Variants in MYO1B observed in about 807,000 individuals in gnomAD.
MYO1B encodes the protein myosin IB, also known as unconventional myosin-Ib.
MYO1B carries 72 observed loss-of-function variants against 159.7 expected under a neutral mutation model. That is an observed-to-expected ratio of 0.45 (90% CI 0.37 to 0.55). MYO1B has a LOEUF of 0.55. Ranked by LOEUF, MYO1B falls within the 20% of genes least tolerant of loss-of-function variation. The pLI is 0.00. For missense variants in MYO1B, 1,062 were observed against 1,364.8 expected (o/e 0.78, Z 3.50); for synonymous variants, 468 against 473.8 (o/e 0.99, Z 0.16).
chr2:191,404,487 C>T (rs1005703395), intron 24 of MYO1B, among the ~76,000 whole-genome samples: 11 of 152,190 alleles, frequency 7.2e-5, no homozygotes, highest in Non-Finnish European at 1.3e-4. Context: ...CATTTTTCTT[C>T]TCCTTGTCCC....
At chr2:191,358,731 C>T (rs1559198284) in intron 7 of MYO1B, among the ~76,000 whole-genome samples, 1 of 152,210 alleles carries the variant, frequency 6.6e-6, no homozygotes, top group Non-Finnish European at 1.5e-5. Context: ...TAAGGTGCCA[C>T]TGTAAGGTGA....
rs72912455 is a variant in MYO1B, at chr2:191,267,133, G to A, written c.-9-9754G>A. Among the ~76,000 whole-genome samples, 768 of 152,256 alleles carry A rather than the reference G, an allele frequency of 5.0e-3. 5 individuals carry two copies. Among genetic ancestry groups the A allele is most frequent in the Non-Finnish European group, 7.8e-3 (531 of 68,014 alleles). ...ACAAAACCTAGGGTGTTAACCCTTA[G>A]ATAACCAGAATGTTGAATTAATAGC... On this transcript the variant is annotated intron_variant, in intron 1 of 30. Coordinates refer to ENST00000392318, the MANE Select transcript of MYO1B (RefSeq NM_001130158.3).
intron 25 of MYO1B, among the ~76,000 whole-genome samples, chr2:191,408,843 C>G (rs964507094): frequency 6.6e-6 from 1 of 152,198 alleles, no homozygotes. Flanking sequence ...CTTCTTTTCT[C>G]TTAACCATTT....
intron 1 of MYO1B, among the ~76,000 whole-genome samples, chr2:191,262,371 T>C (rs566986697): frequency 5.8e-4 from 88 of 152,282 alleles, no homozygotes; most frequent in African/African-American, 1.9e-3. Context: ...TCCCTGCATT[T>C]AGTCGCTTTG....
At chr2:191,403,591 G>C (rs1225188049) in intron 24 of MYO1B, among the ~76,000 whole-genome samples, 1 of 152,036 alleles carries the variant, frequency 6.6e-6, no homozygotes, top group African/African-American at 2.4e-5. Context: ...TATTATCTGA[G>C]TAATCATTGA....
At chr2:191,326,024 G>A (rs1279399582) in intron 3 of MYO1B, among the ~76,000 whole-genome samples, 1 of 152,124 alleles carries the variant, frequency 6.6e-6, no homozygotes, top group East Asian at 1.9e-4. Flanking sequence ...CTCAACTAGA[G>A]GACAGAAGAA....
chr2:191,378,559 T>C (rs1168965415), intron 13 of MYO1B, among the ~76,000 whole-genome samples: 1 of 152,226 alleles, frequency 6.6e-6, no homozygotes, highest in African/African-American at 2.4e-5. Context: ...CAGTTAAGGC[T>C]ATTTTCACTT....
chr2:191,325,155 T>G (rs1314905236), intron 3 of MYO1B, among the ~76,000 whole-genome samples: 1 of 152,052 alleles, frequency 6.6e-6, no homozygotes, highest in East Asian at 1.9e-4. Context: ...AAAAAACACT[T>G]TTTTGGGGGT....
chr2:191,383,120 G>A lies in MYO1B; in HGVS notation c.1291-160G>A, dbSNP rs563679720. On this transcript the variant is annotated intron_variant, in intron 14 of 30. Coordinates refer to ENST00000392318, the MANE Select transcript of MYO1B (RefSeq NM_001130158.3). ...AGTGGTAGGCAGCTGCATTGAGAAA[G>A]TTTTGGGAACTGCCTGTGACATTTG... Among the ~76,000 whole-genome samples the A allele has an allele frequency of 3.5e-4, 53 of 152,168 alleles. 1 individual carries two copies. In the South Asian group the frequency reaches 0.01, roughly 29 times the overall value.
chr2:191,330,444 AT>A (rs1288017796), intron 4 of MYO1B, among the ~76,000 whole-genome samples: 1 of 152,158 alleles, frequency 6.6e-6, no homozygotes, highest in Non-Finnish European at 1.5e-5. Flanking sequence ...AAATGCTAAC[AT>A]TTTACTCAAG....
chr2:191,283,635 G>A (rs1372601258), intron 2 of MYO1B, among the ~76,000 whole-genome samples: 1 of 152,152 alleles, frequency 6.6e-6, no homozygotes, highest in Non-Finnish European at 1.5e-5. Context: ...AGAAACCGAG[G>A]CTCATAAAGG....
At chr2:191,414,368 T>C in intron 28 of MYO1B, 149 bp from the exon 29 acceptor site, 1 of 1,022,480 alleles carries the variant, frequency 9.8e-7, no homozygotes, top group Non-Finnish European at 1.4e-6. Context: ...AAATAAAACA[T>C]ATTATTTATG....
chr2:191,303,960 A>C (rs1337085431), intron 3 of MYO1B, among the ~76,000 whole-genome samples: 1 of 152,210 alleles, frequency 6.6e-6, no homozygotes, highest in East Asian at 1.9e-4. Flanking sequence ...CCTTTTATGC[A>C]TGACTGTCAT....
intron 8 of MYO1B, among the ~76,000 whole-genome samples, chr2:191,361,020 A>C (rs1305774569): frequency 2.0e-5 from 3 of 152,100 alleles, no homozygotes; most frequent in African/African-American, 7.2e-5. Context: ...ATTCTAGTTG[A>C]AGTGAAGAAC....
intron 1 of MYO1B, among the ~76,000 whole-genome samples, chr2:191,272,572 A>G (rs1026433481): frequency 2.0e-5 from 3 of 152,172 alleles, no homozygotes; most frequent in Non-Finnish European, 4.4e-5. Flanking sequence ...TTACATCTCT[A>G]TGTCTCCCAC....
chr2:191,354,994 G>A (rs944200412), intron 7 of MYO1B, among the ~76,000 whole-genome samples: 2 of 152,196 alleles, frequency 1.3e-5, no homozygotes, highest in South Asian at 2.1e-4. Flanking sequence ...TTGATTCAAA[G>A]CTTGACTGGG....
intron 11 of MYO1B, among the ~76,000 whole-genome samples, chr2:191,368,466 G>C (rs1694151869): frequency 6.6e-6 from 1 of 152,124 alleles, no homozygotes. Context: ...TATGCTCTGG[G>C]CACTCGGTGC....
chr2:191,263,300 A>G, intron 1 of MYO1B: 1 of 984,698 alleles, frequency 1.0e-6, no homozygotes, highest in Non-Finnish European at 1.2e-6. Context: ...TCTCCCTGTC[A>G]CAACGAATGT....
chr2:191,273,138 A>T (rs1687554774), intron 1 of MYO1B, among the ~76,000 whole-genome samples: 1 of 151,916 alleles, frequency 6.6e-6, no homozygotes, highest in Non-Finnish European at 1.5e-5. Context: ...TTTTCTTTTG[A>T]GACAGGGTCT....
Sources: gnomAD v4.1 joint callset for allele counts (sites outside exome capture counted in the v4.1 genomes callset) on GRCh38, gnomAD v4.1.1 for gene constraint, MANE v1.5 for transcripts, NCBI Gene and HGNC (gene_info 2026-07-23, HGNC 2026-07-21) for gene names.